The following ADAMTSL1 variants were observed in gnomAD, a reference collection of about 807,000 sequenced individuals.
The protein encoded by ADAMTSL1 is ADAMTS-like protein 1.
ADAMTSL1 carries 126 observed loss-of-function variants against 201.8 expected under a neutral mutation model. The ratio of observed to expected loss-of-function variants is 0.62; its 90% CI spans 0.54 to 0.72. The LOEUF (loss-of-function observed/expected upper bound fraction) is 0.72. Ranked by LOEUF, ADAMTSL1 falls within the 30% of genes least tolerant of loss-of-function variation. ADAMTSL1 has a pLI of 0.00. For synonymous variants in ADAMTSL1, 1,121 were observed against 903.4 expected, an observed-to-expected ratio of 1.24 and a Z score of -4.32; for missense variants, 2,679 against 2,277.8, an observed-to-expected ratio of 1.18 and a Z score of -3.59.
At chr9:18,529,326 A>C (rs1819292512) in intron 2 of ADAMTSL1, among the ~76,000 whole-genome samples, 1 of 152,184 alleles carries the variant, frequency 6.6e-6, no homozygotes, top group African/African-American at 2.4e-5. Context: ...GGTCAACCTC[A>C]GGCCTATTCC....
intron 1 of ADAMTSL1, among the ~76,000 whole-genome samples, chr9:18,032,478 G>C (rs916660762): frequency 3.9e-5 from 6 of 152,300 alleles, no homozygotes; most frequent in African/African-American, 1.4e-4. Flanking sequence ...CCTCCTGCGG[G>C]AGCAGCCAGG....
intron 2 of ADAMTSL1, among the ~76,000 whole-genome samples, chr9:18,282,504 C>G (rs1349310847): frequency 6.6e-6 from 1 of 152,146 alleles, no homozygotes; most frequent in Non-Finnish European, 1.5e-5. Flanking sequence ...TTAAATTCTG[C>G]TGTGGTTAAA....
chr9:18,805,902 G>A (rs918781034), intron 20 of ADAMTSL1, among the ~76,000 whole-genome samples: 2 of 152,166 alleles, frequency 1.3e-5, no homozygotes, highest in Non-Finnish European at 2.9e-5. Flanking sequence ...TGCGGTCCTT[G>A]TGTCTGTTGT....
At chr9:18,180,579 G>A (rs1477084936) in intron 2 of ADAMTSL1, among the ~76,000 whole-genome samples, 1 of 151,204 alleles carries the variant, frequency 6.6e-6, no homozygotes, top group Non-Finnish European at 1.5e-5. Flanking sequence ...AACTTACCAG[G>A]GATGTGAAGG....
At chr9:18,236,147 T>G (rs1438962281) in intron 2 of ADAMTSL1, among the ~76,000 whole-genome samples, 1 of 152,184 alleles carries the variant, frequency 6.6e-6, no homozygotes, top group Non-Finnish European at 1.5e-5. Context: ...CTCAGCTCAC[T>G]GCAACCTCCG....
intron 2 of ADAMTSL1, among the ~76,000 whole-genome samples, chr9:18,447,768 T>G (rs2096547194): frequency 6.6e-6 from 1 of 152,206 alleles, no homozygotes; most frequent in South Asian, 2.1e-4. Context: ...CTCATAAGCC[T>G]CTCTGCCAAA....
intron 1 of ADAMTSL1, among the ~76,000 whole-genome samples, chr9:18,133,825 A>T (rs59977859): frequency 0.057 from 8,692 of 152,132 alleles, 277 homozygotes; most frequent in Middle Eastern, 0.068. Context: ...AAAATATTTT[A>T]AAAAAACTAT....
intron 2 of ADAMTSL1, among the ~76,000 whole-genome samples, chr9:18,400,854 G>A (rs1248080652): frequency 6.6e-6 from 1 of 152,110 alleles, no homozygotes; most frequent in Non-Finnish European, 1.5e-5. Flanking sequence ...ATTCAATATA[G>A]TGCGTAGTAG....
chr9:18,114,888 C>T (rs957154252), intron 1 of ADAMTSL1, among the ~76,000 whole-genome samples: 1 of 152,088 alleles, frequency 6.6e-6, no homozygotes, highest in African/African-American at 2.4e-5. Context: ...ACAATTCTTT[C>T]TTTGCTGATG....
intron 16 of ADAMTSL1, among the ~76,000 whole-genome samples, chr9:18,768,789 G>A (rs924797774): frequency 6.6e-6 from 1 of 152,120 alleles, no homozygotes; most frequent in Non-Finnish European, 1.5e-5. Context: ...CTCCGGTGGG[G>A]TCCAAACAAC....
chr9:18,352,673 G>A (rs769986760), intron 2 of ADAMTSL1, among the ~76,000 whole-genome samples: 3 of 152,182 alleles, frequency 2.0e-5, no homozygotes, highest in Non-Finnish European at 2.9e-5. Flanking sequence ...TGTACGCCAT[G>A]TGATTCCATT....
intron 23 of ADAMTSL1, among the ~76,000 whole-genome samples, chr9:18,864,023 G>C (rs1046904366): frequency 1.5e-4 from 23 of 152,210 alleles, no homozygotes; most frequent in Admixed American, 5.2e-4. Context: ...CCTGGAGCCA[G>C]CTCATGAAGT....
intron 23 of ADAMTSL1, among the ~76,000 whole-genome samples, chr9:18,873,379 A>G (rs7029205): frequency 0.44 from 66,258 of 152,006 alleles, 14,763 homozygotes; most frequent in African/African-American, 0.49. Flanking sequence ...GCTGAAGCCA[A>G]TGTCAAGAAG....
intron 1 of ADAMTSL1, among the ~76,000 whole-genome samples, chr9:17,977,491 G>C (rs1287805137): frequency 7.2e-5 from 11 of 151,970 alleles, no homozygotes; most frequent in Admixed American, 2.6e-4. Context: ...GGTTTGTTCA[G>C]ATGATCTATT....
chr9:18,124,164 C>A (rs1268197463), intron 1 of ADAMTSL1, among the ~76,000 whole-genome samples: 2 of 137,056 alleles, frequency 1.5e-5, no homozygotes, highest in Non-Finnish European at 3.1e-5. Flanking sequence ...CTCACTGCAA[C>A]CTCTGTGTCC....
chr9:18,332,934 T>A (rs960897586), intron 2 of ADAMTSL1, among the ~76,000 whole-genome samples: 5 of 152,160 alleles, frequency 3.3e-5, no homozygotes, highest in African/African-American at 1.2e-4. Flanking sequence ...GTCTGTTTCA[T>A]CATCTGTAAG....
chr9:18,564,310 C>T (rs1419312353), intron 3 of ADAMTSL1, among the ~76,000 whole-genome samples: 1 of 152,164 alleles, frequency 6.6e-6, no homozygotes, highest in African/African-American at 2.4e-5. Context: ...GACGCACCAC[C>T]CTGCTTGGGC....
intron 1 of ADAMTSL1, among the ~76,000 whole-genome samples, chr9:17,985,595 G>C (rs140503545): frequency 1.3e-5 from 2 of 152,186 alleles, no homozygotes; most frequent in East Asian, 1.9e-4. Context: ...ACATTTTGCC[G>C]TATTGAGTTT....
intron 6 of ADAMTSL1, among the ~76,000 whole-genome samples, chr9:18,638,711 G>A (rs1827255773): frequency 6.6e-6 from 1 of 152,108 alleles, no homozygotes; most frequent in Non-Finnish European, 1.5e-5. Flanking sequence ...GAAAATGATA[G>A]TTCTTGTTCT....
Sources: gnomAD v4.1 joint callset for allele counts (sites outside exome capture counted in the v4.1 genomes callset) on GRCh38, gnomAD v4.1.1 for gene constraint, MANE v1.5 for transcripts, NCBI Gene and HGNC (gene_info 2026-07-23, HGNC 2026-07-21) for gene names.